CDK5RAP2: variants seen among roughly 807,000 people sequenced by gnomAD.
CDK5RAP2 encodes the protein CDK5 regulatory subunit associated protein 2, also known as CDK5 regulatory subunit-associated protein 2.
In CDK5RAP2, 147 loss-of-function variants were observed where a neutral mutation model predicts 232.9. The ratio of observed to expected loss-of-function variants is 0.63; its 90% confidence interval spans 0.55 to 0.72. CDK5RAP2 has a LOEUF of 0.72. CDK5RAP2 is among the 30% of genes least tolerant of loss of function. CDK5RAP2 has a pLI of 0.00. For synonymous variants in CDK5RAP2, 833 were observed against 833.7 expected, an observed-to-expected ratio of 1.00 and a Z score of 0.01; for missense variants, 2,195 against 2,231.5, an observed-to-expected ratio of 0.98 and a Z score of 0.33.
At chr9:120,407,307 G>C in intron 31 of CDK5RAP2, 59 bp from the exon 32 acceptor site, 1 of 1,319,284 alleles carries the variant, frequency 7.6e-7, no homozygotes, top group Non-Finnish European at 1.1e-6. Flanking sequence ...GTCAGCCATC[G>C]AAGGAACTCA....
intron 27 of CDK5RAP2, among the ~76,000 whole-genome samples, chr9:120,419,554 T>C (rs535029331): frequency 6.6e-6 from 1 of 152,294 alleles, no homozygotes; most frequent in Non-Finnish European, 1.5e-5. Context: ...AAGTCACATA[T>C]TAAGTCGTCA....
At chr9:120,536,167 T>A (rs2041376548) in intron 7 of CDK5RAP2, among the ~76,000 whole-genome samples, 1 of 151,522 alleles carries the variant, frequency 6.6e-6, no homozygotes, top group Non-Finnish European at 1.5e-5. Flanking sequence ...TCTGACCTCA[T>A]ATGACTATGC....
intron 3 of CDK5RAP2, among the ~76,000 whole-genome samples, chr9:120,554,834 T>C (rs2042167078): frequency 1.3e-5 from 2 of 152,106 alleles, no homozygotes; most frequent in South Asian, 2.1e-4. Context: ...GGGTTCACCA[T>C]GTTGGCCAGG....
At chr9:120,421,346 A>C (rs2034555999) in intron 26 of CDK5RAP2, among the ~76,000 whole-genome samples, 1 of 152,164 alleles carries the variant, frequency 6.6e-6, no homozygotes, top group Admixed American at 6.5e-5. Flanking sequence ...GATGTGATCT[A>C]TTATTATAAG....
chr9:120,453,986 T>C, intron 20 of CDK5RAP2, 113 bp from the exon 21 acceptor site: 1 of 1,082,238 alleles, frequency 9.2e-7, no homozygotes, highest in South Asian at 1.3e-5. Context: ...CCATCAAAAC[T>C]AAATACAGTG....
Position 120,408,375 on chromosome 9 carries a change from C to T in CDK5RAP2, c.4698G>A (p.Lys1566=), listed in dbSNP as rs1318282956. 6.8e-6 allele frequency: 11 copies of T among 1,614,172 alleles called. No homozygotes were observed. The highest frequency in any genetic ancestry group is 2.7e-5 in the African/African-American group (2 of 75,042). ...SLRVELKAYE[K]LDEEHRRLRE... The stretch of plus-strand genomic sequence containing the variant: ...TCAGTCTCCTGTGCTCTTCATCCAG[C>T]TTCTCATACGCCTTCAGCTCCACTC... Residue 1566 remains lysine, a synonymous_variant, in exon 31 of 38, where the codon AAG becomes AAA. Coordinates refer to ENST00000349780, the MANE Select transcript of CDK5RAP2 (RefSeq NM_018249.6).
intron 1 of CDK5RAP2, among the ~76,000 whole-genome samples, chr9:120,579,272 C>T (rs992668538): frequency 6.6e-6 from 1 of 152,236 alleles, no homozygotes; most frequent in African/African-American, 2.4e-5. Context: ...AGGCACTACA[C>T]CTGCCAAGCA....
intron 15 of CDK5RAP2, among the ~76,000 whole-genome samples, chr9:120,475,617 T>C (rs796928354): frequency 3.7e-4 from 56 of 152,196 alleles, no homozygotes; most frequent in African/African-American, 1.1e-3. Flanking sequence ...CAACACCACT[T>C]GCCAAGTGAA....
At chr9:120,576,635 G>A (rs1271251277) in intron 1 of CDK5RAP2, among the ~76,000 whole-genome samples, 1 of 152,158 alleles carries the variant, frequency 6.6e-6, no homozygotes, top group Non-Finnish European at 1.5e-5. Context: ...CCACGAGGCA[G>A]AGGTTGCGGT....
intron 25 of CDK5RAP2, among the ~76,000 whole-genome samples, chr9:120,429,796 C>T (rs1174821215): frequency 1.1e-4 from 16 of 152,188 alleles, no homozygotes; most frequent in East Asian, 1.9e-4. Flanking sequence ...GAGCCCGCAT[C>T]GCCAAGTCAA....
At chr9:120,537,308 G>A (rs2041435604) in intron 6 of CDK5RAP2, among the ~76,000 whole-genome samples, 2 of 152,110 alleles carry the variant, frequency 1.3e-5, no homozygotes, top group South Asian at 4.1e-4. Context: ...GAGCTACCAT[G>A]AGTCTCTATC....
intron 15 of CDK5RAP2, among the ~76,000 whole-genome samples, chr9:120,473,803 G>A (rs138237435): frequency 5.4e-4 from 82 of 152,328 alleles, no homozygotes; most frequent in African/African-American, 1.9e-3. Flanking sequence ...AAGCTCCTGC[G>A]ATTAGGGCTG....
intron 12 of CDK5RAP2, among the ~76,000 whole-genome samples, chr9:120,504,688 C>T (rs1222511860): frequency 6.6e-6 from 1 of 152,200 alleles, no homozygotes. Flanking sequence ...AGCTACCCTA[C>T]GAGGAGTCTA....
At chr9:120,451,139 C>T (rs1467710572) in intron 21 of CDK5RAP2, among the ~76,000 whole-genome samples, 1 of 152,202 alleles carries the variant, frequency 6.6e-6, no homozygotes, top group Non-Finnish European at 1.5e-5. Context: ...AGACTGCCGT[C>T]AGTCAACCTA....
chr9:120,409,358 G>GT (rs1247195269), intron 29 of CDK5RAP2, 42 bp from the exon 30 acceptor site: 1 of 1,424,160 alleles, frequency 7.0e-7, no homozygotes, highest in Admixed American at 2.0e-5. Context: ...GCCACCATTT[G>GT]TTTTTTCCAA....
At chr9:120,506,662 G>A (rs896197369) in intron 12 of CDK5RAP2, among the ~76,000 whole-genome samples, 1 of 152,170 alleles carries the variant, frequency 6.6e-6, no homozygotes, top group Admixed American at 6.5e-5. Flanking sequence ...GGATGACTTT[G>A]AGGGATTCAA....
Position 120,578,706 on chromosome 9 carries a change from A to G in CDK5RAP2, c.59+1214T>C, listed in dbSNP as rs562858660. Among the ~76,000 whole-genome samples, 4 of 152,034 alleles carry G rather than the reference A, an allele frequency of 2.6e-5. No homozygotes were observed. The South Asian group carries it at 8.3e-4, about 32-fold the overall frequency. ...CTCAGCCTCCCGAGCGGCTGGGACT[A>G]CAAGTGCATGCCACCACGCCTGGCT... On this transcript the variant is annotated intron_variant, in intron 1 of 37. Transcript: ENST00000349780.
In CDK5RAP2 at chr9:120,439,606, G is replaced by A; in HGVS notation, c.3515C>T (p.Ser1172Leu). 1 of 1,614,166 alleles carries A rather than the reference G, an allele frequency of 6.2e-7. No homozygotes were observed. Among genetic ancestry groups the A allele is most frequent in the Non-Finnish European group, 8.5e-7 (1 of 1,180,034 alleles). The change falls in exon 24 of 38, where the codon TCA (serine) becomes TTA (leucine). Residue 1172 changes from serine to leucine, a missense_variant. Physicochemically the swap from Ser to Leu is moderately radical, Grantham distance 145. Transcript: ENST00000349780. ...NGSDGEEMTF[S>L]SLHQVRYVKH... ...CACGTATCGCACTTGGTGCAAACTT[G>A]AAAAGGTCATTTCTTCCCCATCAGA...
chr9:120,572,039 C>T lies in CDK5RAP2; in HGVS notation c.62G>A (p.Gly21Asp). Residue 21 changes from glycine to aspartate, a missense_variant and splice_region_variant, in exon 2 of 38, where the codon GGC becomes GAC. Coordinates refer to ENST00000349780, the MANE Select transcript of CDK5RAP2 (RefSeq NM_018249.6). The stretch of plus-strand genomic sequence containing the variant: ...GTCATCTGGTACACTGGGAACAAGG[C>T]CACTAGGAGAGAACACATGAGATAA... ...TVPGTLSGCS[G>D]LVPSVPDDLD... 1 of 1,611,980 alleles carries T rather than the reference C, an allele frequency of 6.2e-7. No homozygotes were observed. The highest frequency in any genetic ancestry group is 8.5e-7 in the Non-Finnish European group (1 of 1,178,026).
Sources: gnomAD v4.1 joint callset for allele counts (sites outside exome capture counted in the v4.1 genomes callset) on GRCh38, gnomAD v4.1.1 for gene constraint, MANE v1.5 for transcripts, NCBI Gene and HGNC (gene_info 2026-07-23, HGNC 2026-07-21) for gene names.